The following FHIT variants were observed in gnomAD, a reference collection of about 807,000 sequenced individuals.
The protein encoded by FHIT is bis(5'-adenosyl)-triphosphatase.
FHIT carries 19 observed loss-of-function variants against 17.9 expected under a neutral mutation model. The ratio of observed to expected loss-of-function variants is 1.06; its 90% CI spans 0.74 to 1.56. FHIT has a LOEUF of 1.56. FHIT is among the 40% of genes most tolerant of loss of function. FHIT has a pLI of 0.00. For synonymous variants in FHIT, 81 were observed against 69.7 expected (o/e 1.16, Z -0.81); for missense variants, 248 against 189.2 (o/e 1.31, Z -1.82).
At chr3:60,767,015 A>G (rs1699879670) in intron 4 of FHIT, among the ~76,000 whole-genome samples, 1 of 152,142 alleles carries the variant, frequency 6.6e-6, no homozygotes, top group Non-Finnish European at 1.5e-5. Context: ...GATTATATAA[A>G]CTTCAGTTCT....
intron 4 of FHIT, among the ~76,000 whole-genome samples, chr3:60,710,980 T>C (rs937346592): frequency 1.2e-4 from 18 of 152,110 alleles, no homozygotes; most frequent in Admixed American, 2.0e-4. Context: ...CTCAAGTGGG[T>C]CCCTGACCCC....
At chr3:60,523,496 G>T (rs2035452596) in intron 5 of FHIT, among the ~76,000 whole-genome samples, 1 of 152,098 alleles carries the variant, frequency 6.6e-6, no homozygotes, top group African/African-American at 2.4e-5. Context: ...GGGATCATCA[G>T]AAAGAAATAG....
intron 4 of FHIT, among the ~76,000 whole-genome samples, chr3:60,792,243 T>G (rs1553728725): frequency 6.6e-6 from 1 of 152,224 alleles, no homozygotes; most frequent in Non-Finnish European, 1.5e-5. Context: ...CACTCCGCTA[T>G]TGATGACAGG....
At chr3:60,917,178 C>G (rs1237179251) in intron 3 of FHIT, among the ~76,000 whole-genome samples, 1 of 152,158 alleles carries the variant, frequency 6.6e-6, no homozygotes, top group Non-Finnish European at 1.5e-5. Flanking sequence ...TAAATGCCAA[C>G]AGAGAATACT....
intron 2 of FHIT, among the ~76,000 whole-genome samples, chr3:61,179,518 G>A (rs1042770052): frequency 5.9e-5 from 9 of 151,816 alleles, no homozygotes; most frequent in East Asian, 1.9e-4. Flanking sequence ...AGACCAGCCT[G>A]GGCAACAATA....
intron 5 of FHIT, among the ~76,000 whole-genome samples, chr3:60,114,301 C>G (rs1704846601): frequency 6.7e-6 from 1 of 150,040 alleles, no homozygotes; most frequent in Non-Finnish European, 1.5e-5. Context: ...TTAAAAATCT[C>G]CAACTCCTAA....
chr3:60,445,769 A>G (rs1297375448), intron 5 of FHIT, among the ~76,000 whole-genome samples: 2 of 149,212 alleles, frequency 1.3e-5, no homozygotes, highest in Non-Finnish European at 3.0e-5. Flanking sequence ...TGATTTCACC[A>G]AACTAGCAAA....
chr3:59,855,443 TA>T (rs1378671320), intron 8 of FHIT, among the ~76,000 whole-genome samples: 2 of 152,192 alleles, frequency 1.3e-5, no homozygotes, highest in South Asian at 2.1e-4. Flanking sequence ...TTTTAAATTT[TA>T]TAAAAAGGAT....
At chr3:60,646,300 C>G (rs183447157) in intron 4 of FHIT, among the ~76,000 whole-genome samples, 3 of 152,134 alleles carry the variant, frequency 2.0e-5, no homozygotes, top group Middle Eastern at 3.4e-3. Context: ...TACATTTACG[C>G]ACACATTTTT....
At chr3:59,812,157 C>T (rs767684309) in intron 8 of FHIT, among the ~76,000 whole-genome samples, 54 of 152,028 alleles carry the variant, frequency 3.6e-4, no homozygotes, top group Admixed American at 6.6e-4. Flanking sequence ...TGTTGCCAAA[C>T]GATCAGCCAT....
chr3:60,267,814 A>G (rs1172773157), intron 5 of FHIT, among the ~76,000 whole-genome samples: 2 of 152,198 alleles, frequency 1.3e-5, no homozygotes, highest in Non-Finnish European at 2.9e-5. Flanking sequence ...CACGTACATG[A>G]ATACAAAACT....
At chr3:60,113,246 G>A (rs1704760111) in intron 5 of FHIT, among the ~76,000 whole-genome samples, 1 of 152,098 alleles carries the variant, frequency 6.6e-6, no homozygotes, top group African/African-American at 2.4e-5. Context: ...TTTCACGTCT[G>A]TATCCCCAAC....
chr3:60,765,127 T>C (rs1424197144), intron 4 of FHIT, among the ~76,000 whole-genome samples: 3 of 152,082 alleles, frequency 2.0e-5, no homozygotes, highest in East Asian at 1.9e-4. Flanking sequence ...TACCGGGAGA[T>C]TGAAACAAGA....
At chr3:61,117,559 G>A (rs2036335226) in intron 2 of FHIT, among the ~76,000 whole-genome samples, 1 of 152,136 alleles carries the variant, frequency 6.6e-6, no homozygotes, top group Non-Finnish European at 1.5e-5. Context: ...AACAGGGGCA[G>A]AACTATACAA....
intron 7 of FHIT, among the ~76,000 whole-genome samples, chr3:59,976,902 A>C (rs1708437617): frequency 6.6e-6 from 1 of 152,070 alleles, no homozygotes; most frequent in Non-Finnish European, 1.5e-5. Context: ...GATATCTCCA[A>C]GGTTATTTTG....
At chr3:60,064,673 C>A (rs1193547464) in intron 5 of FHIT, among the ~76,000 whole-genome samples, 1 of 152,164 alleles carries the variant, frequency 6.6e-6, no homozygotes, top group African/African-American at 2.4e-5. Context: ...AACACAAGCA[C>A]ACTGAGAATG....
chr3:59,978,372 T>C (rs113331862), intron 7 of FHIT, among the ~76,000 whole-genome samples: 1 of 152,098 alleles, frequency 6.6e-6, no homozygotes, highest in African/African-American at 2.4e-5. Context: ...CTTCCTGAAA[T>C]GGAAAATAAA....
chr3:60,768,117 A>G (rs937088717), intron 4 of FHIT, among the ~76,000 whole-genome samples: 11 of 152,230 alleles, frequency 7.2e-5, no homozygotes, highest in Non-Finnish European at 1.2e-4. Context: ...CAAGGTGAGT[A>G]GCCCTAAAGG....
intron 3 of FHIT, among the ~76,000 whole-genome samples, chr3:60,905,103 C>T (rs1706337045): frequency 6.6e-6 from 1 of 151,992 alleles, no homozygotes; most frequent in African/African-American, 2.4e-5. Context: ...AGAATTATAA[C>T]CATATTACTC....
Sources: allele counts gnomAD v4.1 joint callset (sites outside exome capture counted in the v4.1 genomes callset), GRCh38; gene constraint gnomAD v4.1.1; transcripts MANE v1.5; gene names NCBI Gene and HGNC (gene_info 2026-07-23, HGNC 2026-07-21).